The following PHKG2 variants were observed in gnomAD, a reference collection of about 807,000 sequenced individuals.
PHKG2 encodes the protein phosphorylase b kinase gamma catalytic chain, liver/testis isoform.
A neutral mutation model predicts 44.5 loss-of-function variants in PHKG2; 28 were observed. The ratio of observed to expected loss-of-function variants is 0.63; its 90% CI spans 0.47 to 0.86. The LOEUF (loss-of-function observed/expected upper bound fraction) is 0.86. Ranked by LOEUF, PHKG2 falls within the 40% of genes least tolerant of loss-of-function variation. The pLI is 0.00. For synonymous variants in PHKG2, 220 were observed against 211.2 expected, an observed-to-expected ratio of 1.04 and a Z score of -0.36; for missense variants, 498 against 547.5, an observed-to-expected ratio of 0.91 and a Z score of 0.90.
intron 6 of PHKG2, 31 bp from the exon 7 acceptor site, chr16:30,756,151 C>A: frequency 1.3e-6 from 2 of 1,543,904 alleles, no homozygotes; most frequent in Non-Finnish European, 1.8e-6. Flanking sequence ...GGGCTGGTGG[C>A]ATCCCCTCAA....
chr16:30,758,293 G>C lies in PHKG2; in HGVS notation c.*1196G>C, dbSNP rs190827459. On this transcript the variant is annotated 3_prime_UTR_variant, in exon 10 of 10. Coordinates refer to ENST00000563588, the MANE Select transcript of PHKG2 (RefSeq NM_000294.3). ...TCACAGTGTTAGCCAGGATGGACTC[G>C]ATCTCCTGACCTCGTGATCCGCCTG... 6.6e-6 allele frequency: 1 copy of C among 152,660 alleles called. No homozygotes were observed. The highest frequency in any genetic ancestry group is 1.5e-5 in the Non-Finnish European group (1 of 68,546). 9.5% of individuals were successfully genotyped at this position (152,660 alleles called of 1,614,324 possible). A position where few individuals can be genotyped will look rare whatever the true frequency, so the allele number is the denominator to read the frequency against.
At chr16:30,753,010 T>A in intron 4 of PHKG2, 1 of 601,300 alleles carries the variant, frequency 1.7e-6, no homozygotes, top group South Asian at 1.9e-5. Flanking sequence ...AAGTCTCTTA[T>A]TTTTGCCATA....
Position 30,759,803 on chromosome 16 carries a change from C to A in PHKG2, c.*2706C>A. 1 of 1,525,622 alleles carries A rather than the reference C, an allele frequency of 6.6e-7. No individual in the cohort carries two copies. The highest frequency in any genetic ancestry group is 8.8e-7 in the Non-Finnish European group (1 of 1,140,364). The allele number at this position is 1,525,622 out of a possible 1,614,324, so 94.5% of individuals were successfully genotyped here. The stretch of plus-strand genomic sequence containing the variant: ...CACTTCACTCAACAGCTGTTTATGA[C>A]CATGAGCTTCAGAAGCAGACAGATC... On this transcript the variant is annotated 3_prime_UTR_variant, in exon 10 of 10. Coordinates refer to ENST00000563588, the MANE Select transcript of PHKG2 (RefSeq NM_000294.3).
At chr16:30,754,455 G>A (rs2053390381) in intron 6 of PHKG2, among the ~76,000 whole-genome samples, 2 of 152,108 alleles carry the variant, frequency 1.3e-5, no homozygotes, top group Admixed American at 6.6e-5. Context: ...TGTGAGCACT[G>A]TGCCTTGTCG....
Position 30,760,057 on chromosome 16 carries a change from A to G in PHKG2, c.*2960A>G. ...AGGTGTTATTGTGCACTATGCATAT[A>G]TTTGCATATATTATTTCTCAGAACA... On this transcript the variant is annotated 3_prime_UTR_variant, in exon 10 of 10. Coordinates refer to ENST00000563588, the MANE Select transcript of PHKG2 (RefSeq NM_000294.3). 6.5e-7 allele frequency: 1 copy of G among 1,528,684 alleles called. No individual in the cohort carries two copies. Among genetic ancestry groups the G allele is most frequent in the Non-Finnish European group, 8.7e-7 (1 of 1,143,102 alleles). 94.7% of individuals were successfully genotyped at this position (1,528,684 alleles called of 1,614,324 possible).
chr16:30,758,712 T>C lies in PHKG2; in HGVS notation c.*1615T>C. The C allele has an allele frequency of 2.5e-6, 1 of 393,652 alleles. No homozygotes were observed. Among genetic ancestry groups the C allele is most frequent in the South Asian group, 2.4e-5 (1 of 42,508 alleles). The allele number at this position is 393,652 out of a possible 1,614,324, so 24.4% of individuals were successfully genotyped here. On this transcript the variant is annotated 3_prime_UTR_variant, in exon 10 of 10. Transcript: ENST00000563588. ...CTGGGACTACAAGCGCGCACCACCA[T>C]GCCTGGCTATTTTTTGTATTTTAGT...
Position 30,759,475 on chromosome 16 carries a change from G to A in PHKG2, c.*2378G>A. On this transcript the variant is annotated 3_prime_UTR_variant, in exon 10 of 10. Transcript: ENST00000563588. ...AGGAGGCCGCTGTGGTGGTGACTCG[G>A]AATTAGAACCCTGACTACCTTCCGG... 1.9e-6 allele frequency: 3 copies of A among 1,614,188 alleles called. No individual in the cohort carries two copies. The highest frequency in any genetic ancestry group is 1.7e-6 in the Non-Finnish European group (2 of 1,180,042).
In PHKG2 at chr16:30,761,024, C is replaced by T; in HGVS notation, c.*3927C>T. Reference sequence around the variant, plus strand: ...CTTTGGCTCTTTTTTTCTCACACTGCCTCCTCTTTGGACTGGAGAGGCTGG... The same window carrying T: ...CTTTGGCTCTTTTTTTCTCACACTGTCTCCTCTTTGGACTGGAGAGGCTGG... On this transcript the variant is annotated 3_prime_UTR_variant, in exon 10 of 10. Transcript: ENST00000563588. 2.9e-6 allele frequency: 2 copies of T among 679,040 alleles called. No individual in the cohort carries two copies. The highest frequency in any genetic ancestry group is 2.5e-6 in the Non-Finnish European group (1 of 403,790). The allele number at this position is 679,040 out of a possible 1,614,324, so 42.1% of individuals were successfully genotyped here. A position where few individuals can be genotyped will look rare whatever the true frequency, so the allele number is the denominator to read the frequency against.
intron 4 of PHKG2, 80 bp from the exon 5 acceptor site, chr16:30,753,152 A>G (rs759161792): frequency 2.7e-6 from 3 of 1,123,464 alleles, no homozygotes; most frequent in Middle Eastern, 2.0e-4. Context: ...CTCTTCCACA[A>G]TATTTTGTAT....
intron 9 of PHKG2, 42 bp downstream of exon 9, chr16:30,756,757 C>T (rs1234718813): frequency 6.2e-7 from 1 of 1,614,070 alleles, no homozygotes; most frequent in African/African-American, 1.3e-5. Context: ...TTTCTCTGTC[C>T]CATGATCTTT....
At position 30,756,203 on chromosome 16, in the gene PHKG2, A is replaced by T. The variant is rs777504531; in HGVS notation, c.578A>T (p.Tyr193Phe). 1.9e-6 allele frequency: 3 copies of T among 1,614,062 alleles called. No homozygotes were observed. Among genetic ancestry groups the T allele is most frequent in the Non-Finnish European group, 2.5e-6 (3 of 1,179,920 alleles). ...KLRELCGTPG[Y>F]LAPEILKCSM... ...CCAGAGTTGTGTGGGACCCCAGGGT[A>T]TCTAGCGCCAGAGATCCTTAAATGC... The change falls in exon 7 of 10, where the codon TAT (tyrosine) becomes TTT (phenylalanine). Residue 193 changes from tyrosine (Y) to phenylalanine (F), a missense_variant. Coordinates refer to ENST00000563588, the MANE Select transcript of PHKG2 (RefSeq NM_000294.3).
chr16:30,756,554 C>T (rs2053430388), intron 8 of PHKG2, 34 bp downstream of exon 8: 3 of 1,612,998 alleles, frequency 1.9e-6, no homozygotes. Context: ...TAGGGGAGGC[C>T]CAAGAGCTGC....
Position 30,756,502 on chromosome 16 carries a change from C to T in PHKG2, c.783C>T (p.Ser261=), listed in dbSNP as rs989256658. 2 of 1,613,094 alleles carry T rather than the reference C, an allele frequency of 1.2e-6. No individual in the cohort carries two copies. The highest frequency in any genetic ancestry group is 1.3e-5 in the African/African-American group (1 of 74,894). Residue 261 remains serine (S), a synonymous_variant, in exon 8 of 10, where the codon TCC becomes TCT. Coordinates refer to ENST00000563588, the MANE Select transcript of PHKG2 (RefSeq NM_000294.3). ...GTTCCCCCGAGTGGGATGACCGTTC[C>T]AGCACTGTCAAAGACCTGGTGAGCG... is the stretch of plus-strand genomic sequence containing the variant. ...QFSSPEWDDR[S]STVKDLISRL...
Position 30,759,563 on chromosome 16 carries a change from CAAG to C in PHKG2, c.*2471_*2473del. ...CAAGGAGAGCCCACTGGGGTCTTCACAAGAAGATAAGGGTGATGAATGTGAGAG... is the reference window on the plus strand; with the variant it reads ...CAAGGAGAGCCCACTGGGGTCTTCACAAGATAAGGGTGATGAATGTGAGAG... On this transcript the variant is annotated 3_prime_UTR_variant, in exon 10 of 10. Coordinates refer to ENST00000563588, the MANE Select transcript of PHKG2 (RefSeq NM_000294.3). The C allele has an allele frequency of 1.2e-6, 2 of 1,614,052 alleles. No individual in the cohort carries two copies. Among genetic ancestry groups the C allele is most frequent in the Non-Finnish European group, 1.7e-6 (2 of 1,179,992 alleles).
In PHKG2 at chr16:30,757,491, C is replaced by G. The variant is rs778258937; in HGVS notation, c.*394C>G. ...ATGTTGGGGGTCACTTGGTCTTGCT[C>G]TTGCCTTTACCCGGAGGTAGCTGGA... On this transcript the variant is annotated 3_prime_UTR_variant, in exon 10 of 10. Transcript: ENST00000563588. The G allele has an allele frequency of 6.2e-7, 1 of 1,613,884 alleles. No homozygotes were observed. Among genetic ancestry groups the G allele is most frequent in the Non-Finnish European group, 8.5e-7 (1 of 1,179,828 alleles).
Position 30,753,442 on chromosome 16 carries a change from C to T in PHKG2, c.441C>T (p.Asn147=). 5 of 1,614,186 alleles carry T rather than the reference C, an allele frequency of 3.1e-6. No individual in the cohort carries two copies. The highest frequency in any genetic ancestry group is 4.2e-6 in the Non-Finnish European group (5 of 1,180,040). ...LLEAVSFLHA[N]NIVHRDLKPE... ...AAGCAGTGAGCTTTCTCCATGCCAA[C>T]AACATTGTGCATCGAGATCTGAAGC... Residue 147 remains asparagine (N), a synonymous_variant, in exon 6 of 10, where the codon AAC becomes AAT. Coordinates refer to ENST00000563588, the MANE Select transcript of PHKG2 (RefSeq NM_000294.3).
At chr16:30,748,776 C>A in intron 1 of PHKG2, 27 bp from the exon 2 acceptor site, 2 of 1,437,046 alleles carry the variant, frequency 1.4e-6, no homozygotes, top group Non-Finnish European at 1.9e-6. Context: ...GGCCTCCCTG[C>A]CCTCACTGCC....
At chr16:30,751,373 A>C in intron 3 of PHKG2, 92 bp downstream of exon 3, 1 of 1,400,850 alleles carries the variant, frequency 7.1e-7, no homozygotes, top group East Asian at 2.3e-5. Context: ...TTGCCTCCAC[A>C]CCTCTCCTCC....
chr16:30,760,287 T>C lies in PHKG2; in HGVS notation c.*3190T>C, dbSNP rs953442674. ...CCTGGTAGCTGCCCCCTCTCACCAA[T>C]ACAAGCCTTGTGAAGATCCTGGAGC... On this transcript the variant is annotated 3_prime_UTR_variant, in exon 10 of 10. Transcript: ENST00000563588. 1 of 1,614,120 alleles carries C rather than the reference T, an allele frequency of 6.2e-7. No homozygotes were observed. Among genetic ancestry groups the C allele is most frequent in the South Asian group, 1.1e-5 (1 of 91,086 alleles).
Sources: allele counts gnomAD v4.1 joint callset (sites outside exome capture counted in the v4.1 genomes callset), GRCh38; gene constraint gnomAD v4.1.1; transcripts MANE v1.5; gene names NCBI Gene and HGNC (gene_info 2026-07-23, HGNC 2026-07-21).